The following ADCK1 variants were observed in gnomAD, a reference collection of about 807,000 sequenced individuals.
ADCK1 encodes aarF domain-containing protein kinase 1.
A neutral mutation model predicts 52.3 loss-of-function variants in ADCK1; 41 were observed. That is an observed-to-expected ratio of 0.78 (90% CI 0.61 to 1.02). The LOEUF (loss-of-function observed/expected upper bound fraction) is 1.02. Among genes scored for constraint, ADCK1 ranks in the 50% least tolerant of loss-of-function variants. The probability of loss-of-function intolerance (pLI) is 0.00; values close to 1 mark genes in which losing one functional copy is unlikely to be tolerated. For synonymous variants in ADCK1, 250 were observed against 274.6 expected, an observed-to-expected ratio of 0.91 and a Z score of 0.89; for missense variants, 658 against 679.5, an observed-to-expected ratio of 0.97 and a Z score of 0.35.
At chr14:77,848,763 C>T (rs1015990651) in intron 3 of ADCK1, among the ~76,000 whole-genome samples, 3 of 151,874 alleles carry the variant, frequency 2.0e-5, no homozygotes, top group East Asian at 1.9e-4. Flanking sequence ...TCACCATGCC[C>T]GGCCTGTTTA....
intron 1 of ADCK1, among the ~76,000 whole-genome samples, chr14:77,812,352 T>C (rs1246789854): frequency 6.6e-6 from 1 of 152,134 alleles, no homozygotes; most frequent in African/African-American, 2.4e-5. Context: ...TTGACTTCTT[T>C]AGATTCCACC....
At chr14:77,911,498 A>C (rs74527034) in intron 7 of ADCK1, among the ~76,000 whole-genome samples, 3,212 of 152,304 alleles carry the variant, frequency 0.021, 117 homozygotes, top group African/African-American at 0.073. Flanking sequence ...CAGTGTCTGA[A>C]TGTAACACCT....
intron 6 of ADCK1, among the ~76,000 whole-genome samples, chr14:77,901,362 CT>C (rs371780013): frequency 0.081 from 10,695 of 131,678 alleles, 446 homozygotes; most frequent in South Asian, 0.16. Flanking sequence ...GGAGCTGGTC[CT>C]TTTTTTTTTT....
At chr14:77,831,409 G>T (rs1396114875) in intron 3 of ADCK1, among the ~76,000 whole-genome samples, 1 of 152,144 alleles carries the variant, frequency 6.6e-6, no homozygotes, top group Non-Finnish European at 1.5e-5. Flanking sequence ...GATTGTGGGA[G>T]GGGAGGTAGC....
intron 4 of ADCK1, among the ~76,000 whole-genome samples, chr14:77,875,724 A>T (rs556794050): frequency 6.6e-6 from 1 of 152,128 alleles, no homozygotes; most frequent in South Asian, 2.1e-4. Context: ...GCTCCTTGGG[A>T]AGAGAGGAAG....
At chr14:77,858,965 G>A in intron 3 of ADCK1, 111 bp from the exon 4 acceptor site, 1 of 1,008,960 alleles carries the variant, frequency 9.9e-7, no homozygotes, top group Non-Finnish European at 1.4e-6. Context: ...CATCTGCCCT[G>A]GGCATTGTGG....
rs1356011377 is a variant in ADCK1, at chr14:77,914,658, G to A, written c.858+6739G>A. ...TGTATTGGCTGGTGCCCTTGGGTAA[G>A]CAACATCCTCTGAGTGTGAGTTTTC... On this transcript the variant is annotated intron_variant, in intron 7 of 10. Transcript: ENST00000238561. 3.4e-6 allele frequency: 3 copies of A among 895,042 alleles called. No individual in the cohort carries two copies. The East Asian group carries it at 3.6e-4, about 107-fold the overall frequency. The allele number at this position is 895,042 out of a possible 1,614,324, so 55.4% of individuals were successfully genotyped here. A position where few individuals can be genotyped will look rare whatever the true frequency, so the allele number is the denominator to read the frequency against.
chr14:77,861,567 G>A (rs1441029384), intron 4 of ADCK1, among the ~76,000 whole-genome samples: 3 of 151,930 alleles, frequency 2.0e-5, no homozygotes, highest in South Asian at 2.1e-4. Flanking sequence ...TCTGCAGAAA[G>A]CTCCATTTCA....
At chr14:77,901,900 T>C (rs2083555806) in intron 6 of ADCK1, among the ~76,000 whole-genome samples, 1 of 152,176 alleles carries the variant, frequency 6.6e-6, no homozygotes, top group South Asian at 2.1e-4. Flanking sequence ...AACTCTAGGA[T>C]GGATCACCCT....
At chr14:77,891,279 C>T (rs1340770232) in intron 5 of ADCK1, among the ~76,000 whole-genome samples, 3 of 152,108 alleles carry the variant, frequency 2.0e-5, no homozygotes, top group South Asian at 2.1e-4. Context: ...CCTGAGCATC[C>T]GCCTACAAAC....
intron 3 of ADCK1, among the ~76,000 whole-genome samples, chr14:77,822,925 A>T (rs2081612959): frequency 6.6e-6 from 1 of 152,106 alleles, no homozygotes; most frequent in Admixed American, 6.6e-5. Context: ...GGGGAGTACA[A>T]GGGTCTGGGA....
At chr14:77,931,228 GA>G (rs900889552) in intron 9 of ADCK1, among the ~76,000 whole-genome samples, 2 of 152,168 alleles carry the variant, frequency 1.3e-5, no homozygotes, top group African/African-American at 4.8e-5. Flanking sequence ...TGCGGCCAGT[GA>G]AAAAGCCATG....
At chr14:77,807,067 C>CTTTTTTTTTT (rs36088814) in intron 1 of ADCK1, among the ~76,000 whole-genome samples, 12 of 83,210 alleles carry the variant, frequency 1.4e-4, no homozygotes, top group African/African-American at 5.8e-4. Context: ...GAGACAGAGT[C>CTTTTTTTTTT]TTTTTTTTTT....
intron 7 of ADCK1, among the ~76,000 whole-genome samples, chr14:77,919,272 T>C (rs1009541558): frequency 3.9e-5 from 6 of 152,230 alleles, no homozygotes; most frequent in Non-Finnish European, 8.8e-5. Context: ...GTTCATTGTA[T>C]CATTCTTATG....
intron 7 of ADCK1, among the ~76,000 whole-genome samples, chr14:77,914,071 C>G (rs78521521): frequency 1.3e-5 from 2 of 152,088 alleles, no homozygotes; most frequent in African/African-American, 4.8e-5. Flanking sequence ...TTCAGAACCC[C>G]CAAATCTCAT....
intron 3 of ADCK1, among the ~76,000 whole-genome samples, chr14:77,829,402 C>T (rs2081792227): frequency 1.3e-5 from 2 of 150,882 alleles, no homozygotes; most frequent in Admixed American, 1.3e-4. Flanking sequence ...TTAAGCTATC[C>T]TCCCACTTTA....
At chr14:77,879,322 A>T (rs77220600) in intron 4 of ADCK1, among the ~76,000 whole-genome samples, 1 of 152,322 alleles carries the variant, frequency 6.6e-6, no homozygotes, top group African/African-American at 2.4e-5. Context: ...GCAAATATGA[A>T]GAGGTAAATG....
Position 77,816,311 on chromosome 14 carries a change from G to GT in ADCK1, c.-11-2649dup, listed in dbSNP as rs776571249. On this transcript the variant is annotated intron_variant, in intron 1 of 10. Transcript: ENST00000238561. ...CATAACTCCCACAGCCCTTGTTACG[G>GT]TTTTTTTTGGTGTGTGTTAGGCCTC... Among the ~76,000 whole-genome samples, 239 of 152,074 alleles carry GT rather than the reference G, an allele frequency of 1.6e-3. 4 individuals carry two copies. The highest frequency in any genetic ancestry group is 1.3e-3 in the Non-Finnish European group (89 of 67,994).
intron 1 of ADCK1, among the ~76,000 whole-genome samples, chr14:77,811,777 C>A (rs2081342898): frequency 6.6e-6 from 1 of 152,106 alleles, no homozygotes; most frequent in East Asian, 1.9e-4. Flanking sequence ...CCACTGTACT[C>A]CAGCCTGAGT....
Sources: gnomAD v4.1 joint callset for allele counts (sites outside exome capture counted in the v4.1 genomes callset) on GRCh38, gnomAD v4.1.1 for gene constraint, MANE v1.5 for transcripts, NCBI Gene and HGNC (gene_info 2026-07-23, HGNC 2026-07-21) for gene names.